Variants in NEDD4 observed in about 807,000 individuals in gnomAD.
The protein encoded by NEDD4 is NEDD4 E3 ubiquitin protein ligase.
NEDD4 carries 99 observed loss-of-function variants against 144.9 expected under a neutral mutation model. That is an observed-to-expected ratio of 0.68 (90% CI 0.58 to 0.81). The LOEUF is 0.81. Among genes scored for constraint, NEDD4 ranks in the 30% least tolerant of loss-of-function variants. NEDD4 has a pLI of 0.00. For synonymous variants in NEDD4, 318 were observed against 350.6 expected, an observed-to-expected ratio of 0.91 and a Z score of 1.04; for missense variants, 985 against 1,065.9, an observed-to-expected ratio of 0.92 and a Z score of 1.06.
At chr15:55,836,672 C>A (rs1209535700) in intron 24 of NEDD4, among the ~76,000 whole-genome samples, 2 of 152,144 alleles carry the variant, frequency 1.3e-5, no homozygotes, top group East Asian at 3.9e-4. Flanking sequence ...ACTGCACGTG[C>A]ACGCCACCAC....
intron 4 of NEDD4, among the ~76,000 whole-genome samples, chr15:55,939,130 A>AC (rs71110356): frequency 2.0e-5 from 3 of 151,334 alleles, no homozygotes; most frequent in African/African-American, 7.3e-5. Flanking sequence ...CAACAAACAA[A>AC]AAAACCCACC....
At chr15:55,842,511 T>C (rs1332295998) in intron 18 of NEDD4, among the ~76,000 whole-genome samples, 3 of 152,178 alleles carry the variant, frequency 2.0e-5, no homozygotes, top group Non-Finnish European at 4.4e-5. Context: ...TTCCGATTCC[T>C]AAGTAACTGG....
intron 4 of NEDD4, among the ~76,000 whole-genome samples, chr15:55,938,663 G>A (rs1311791787): frequency 6.6e-6 from 1 of 152,000 alleles, no homozygotes; most frequent in Non-Finnish European, 1.5e-5. Context: ...TCAACAAAGT[G>A]AAAAGGCACC....
intron 4 of NEDD4, among the ~76,000 whole-genome samples, chr15:55,945,689 AC>A (rs1354336128): frequency 6.6e-6 from 1 of 152,134 alleles, no homozygotes; most frequent in South Asian, 2.1e-4. Flanking sequence ...GAGAAGAGCA[AC>A]CCCAAGACAC....
At chr15:55,941,281 G>A (rs2036998364) in intron 4 of NEDD4, among the ~76,000 whole-genome samples, 1 of 151,950 alleles carries the variant, frequency 6.6e-6, no homozygotes, top group African/African-American at 2.4e-5. Flanking sequence ...AACTTAAGGT[G>A]GAAGCTTAGA....
At chr15:55,973,951 T>C (rs997445801) in intron 1 of NEDD4, among the ~76,000 whole-genome samples, 1 of 151,508 alleles carries the variant, frequency 6.6e-6, no homozygotes, top group East Asian at 1.9e-4. Flanking sequence ...ATAAATCAAA[T>C]TGAAACAGAA....
At chr15:55,850,098 T>C (rs1250600503) in intron 14 of NEDD4, among the ~76,000 whole-genome samples, 1 of 152,128 alleles carries the variant, frequency 6.6e-6, no homozygotes, top group African/African-American at 2.4e-5. Flanking sequence ...GCACCCGGCC[T>C]TTAGGTAATT....
intron 5 of NEDD4, among the ~76,000 whole-genome samples, chr15:55,882,873 T>C (rs933889412): frequency 3.3e-5 from 5 of 152,206 alleles, no homozygotes; most frequent in African/African-American, 1.2e-4. Context: ...CCTTAGGTCC[T>C]GAATAATCAG....
rs528170321 is a variant in NEDD4, at chr15:55,958,293, T to C, written c.120-6704A>G. ...ATGCCAAGTGAAATGACCATGTGTTTTTTCTACTTTACTGTATTAATACAG... is the reference window on the plus strand; with the variant it reads ...ATGCCAAGTGAAATGACCATGTGTTCTTTCTACTTTACTGTATTAATACAG... On this transcript the variant is annotated intron_variant, in intron 2 of 28. Transcript: ENST00000435532. Among the ~76,000 whole-genome samples, 4 of 152,332 alleles carry C rather than the reference T, an allele frequency of 2.6e-5. No homozygotes were observed. The East Asian group carries it at 5.8e-4, about 22-fold the overall frequency.
At chr15:55,940,707 T>G (rs11633709) in intron 4 of NEDD4, among the ~76,000 whole-genome samples, 1 of 151,900 alleles carries the variant, frequency 6.6e-6, no homozygotes. Context: ...GGGTCGTTTT[T>G]TTTTGGTAGA....
At position 55,915,677 on chromosome 15, in the gene NEDD4, T is replaced by C. The variant is rs1418509200; in HGVS notation, c.291+8969A>G. 8 of 1,613,876 alleles carry C rather than the reference T, an allele frequency of 5.0e-6. No homozygotes were observed. The South Asian group carries it at 5.5e-5, about 11-fold the overall frequency. On this transcript the variant is annotated intron_variant, in intron 5 of 28. Coordinates refer to ENST00000435532, the MANE Select transcript of NEDD4 (RefSeq NM_006154.4). ...TTGTTGTTTCACAGTCTAATGTAGC[T>C]GCTTTTCGTTGGGTGAAATGCACTG... is the stretch of plus-strand genomic sequence containing the variant.
rs2033320514 is a variant in NEDD4 at position 55,838,571 on chromosome 15, G to T, written c.2065C>A (p.Leu689Ile). The change falls in exon 22 of 29, where the codon CTT becomes ATT. Residue 689 changes from leucine to isoleucine, a missense_variant. Transcript: ENST00000435532. ...TCCAATTCTGTTGGGTCATTTTCAAGAATCCATCTTAGGGAATTGTAATAT... is the reference window on the plus strand; with the variant it reads ...TCCAATTCTGTTGGGTCATTTTCAATAATCCATCTTAGGGAATTGTAATAT... The part of the protein sequence containing the change: ...SEYYNSLRWI[L>I]ENDPTELDLR... 1 of 1,612,422 alleles carries T rather than the reference G, an allele frequency of 6.2e-7. No homozygotes were observed. The highest frequency in any genetic ancestry group is 8.5e-7 in the Non-Finnish European group (1 of 1,179,096).
intron 4 of NEDD4, among the ~76,000 whole-genome samples, chr15:55,934,278 T>C (rs898972530): frequency 1.9e-4 from 29 of 152,250 alleles, no homozygotes; most frequent in African/African-American, 6.8e-4. Context: ...TTCATCCAAG[T>C]TGTAACTTGT....
chr15:55,906,674 T>C (rs977295689), intron 5 of NEDD4, among the ~76,000 whole-genome samples: 14 of 152,078 alleles, frequency 9.2e-5, no homozygotes, highest in Admixed American at 5.2e-4. Flanking sequence ...GGTGATATAC[T>C]TAATGTAAAT....
chr15:55,910,383 C>T (rs975214796), intron 5 of NEDD4, among the ~76,000 whole-genome samples: 3 of 152,026 alleles, frequency 2.0e-5, no homozygotes, highest in Admixed American at 6.6e-5. Context: ...GTACTGTCTG[C>T]TTTCCTCCTT....
chr15:55,908,339 G>A (rs1322958644), intron 5 of NEDD4, among the ~76,000 whole-genome samples: 1 of 152,108 alleles, frequency 6.6e-6, no homozygotes, highest in African/African-American at 2.4e-5. Context: ...ATTTACATTT[G>A]CCTACCTATT....
At chr15:55,960,334 G>C (rs2037405329) in intron 2 of NEDD4, among the ~76,000 whole-genome samples, 1 of 152,190 alleles carries the variant, frequency 6.6e-6, no homozygotes, top group Admixed American at 6.5e-5. Flanking sequence ...CTAATCAGCT[G>C]CCAGGGCAGC....
At chr15:55,950,750 G>A (rs750615384) in intron 4 of NEDD4, among the ~76,000 whole-genome samples, 1 of 152,144 alleles carries the variant, frequency 6.6e-6, no homozygotes, top group African/African-American at 2.4e-5. Flanking sequence ...AGCTAAAGGG[G>A]AATATGGGGT....
chr15:55,986,461 G>T (rs2037892710), intron 1 of NEDD4, among the ~76,000 whole-genome samples: 1 of 151,838 alleles, frequency 6.6e-6, no homozygotes, highest in Admixed American at 6.6e-5. Flanking sequence ...GAAGAACACA[G>T]CATCATTTCT....
Sources: allele counts gnomAD v4.1 joint callset (sites outside exome capture counted in the v4.1 genomes callset), GRCh38; gene constraint gnomAD v4.1.1; transcripts MANE v1.5; gene names NCBI Gene and HGNC (gene_info 2026-07-23, HGNC 2026-07-21).